The following GALNTL6 variants were observed in gnomAD, a reference collection of about 807,000 sequenced individuals.
GALNTL6 encodes the protein polypeptide N-acetylgalactosaminyltransferase like 6, also known as polypeptide N-acetylgalactosaminyltransferase-like 6.
A neutral mutation model predicts 73.7 loss-of-function variants in GALNTL6; 46 were observed. That is an observed-to-expected ratio of 0.62 (90% CI 0.49 to 0.80). The LOEUF (loss-of-function observed/expected upper bound fraction) is 0.80, where lower values mean the gene tolerates loss of function less well. Ranked by LOEUF, GALNTL6 falls within the 30% of genes least tolerant of loss-of-function variation. GALNTL6 has a pLI of 0.00. For missense variants in GALNTL6, 604 were observed against 755.0 expected (o/e 0.80, Z 2.34); for synonymous variants, 259 against 263.7 (o/e 0.98, Z 0.17).
intron 3 of GALNTL6, among the ~76,000 whole-genome samples, chr4:172,238,865 GT>G (rs1737326899): frequency 6.6e-6 from 1 of 152,060 alleles, no homozygotes; most frequent in Admixed American, 6.5e-5. Flanking sequence ...TGGTTATATA[GT>G]TTTTATTTAT....
At position 172,315,047 on chromosome 4, in the gene GALNTL6, G is replaced by T. The variant is rs114285113; in HGVS notation, c.386+3295G>T. ...AGCCATAGACGAAGGACAGTATATT[G>T]GCATGTGTGCAATAATTTGATCAGT... On this transcript the variant is annotated intron_variant, in intron 4 of 12. Coordinates refer to ENST00000506823, the MANE Select transcript of GALNTL6 (RefSeq NM_001034845.3). Among the ~76,000 whole-genome samples, 1,113 of 152,098 alleles carry T rather than the reference G, an allele frequency of 7.3e-3. 13 individuals carry two copies. Among genetic ancestry groups the T allele is most frequent in the African/African-American group, 0.025 (1,050 of 41,486 alleles).
rs571225323 is a variant in GALNTL6 at position 172,181,568 on chromosome 4, A to G, written c.139-48088A>G. On this transcript the variant is annotated intron_variant, in intron 2 of 12. Coordinates refer to ENST00000506823, the MANE Select transcript of GALNTL6 (RefSeq NM_001034845.3). ...AAGGATGCCCTCTCTCACCACACCT[A>G]TTCAACGTAGTATTGGAAGTTCTGG... is the stretch of plus-strand genomic sequence containing the variant. Among the ~76,000 whole-genome samples, 20 of 152,234 alleles carry G rather than the reference A, an allele frequency of 1.3e-4. No homozygotes were observed. In the South Asian group the frequency reaches 2.3e-3, roughly 17 times the overall value.
At chr4:172,130,431 C>G (rs937247806) in intron 2 of GALNTL6, among the ~76,000 whole-genome samples, 3 of 151,554 alleles carry the variant, frequency 2.0e-5, no homozygotes, top group Non-Finnish European at 2.9e-5. Flanking sequence ...CTGGTCTCAT[C>G]TATAAAATTG....
intron 2 of GALNTL6, among the ~76,000 whole-genome samples, chr4:171,963,743 A>G (rs1329898329): frequency 6.6e-6 from 1 of 152,182 alleles, no homozygotes; most frequent in Non-Finnish European, 1.5e-5. Flanking sequence ...ATATTAACAT[A>G]ACGACATTAC....
At chr4:172,370,289 A>G (rs1334995354) in intron 5 of GALNTL6, among the ~76,000 whole-genome samples, 2 of 152,086 alleles carry the variant, frequency 1.3e-5, no homozygotes, top group Non-Finnish European at 2.9e-5. Context: ...AACAAATTTG[A>G]CAAGAAGGTT....
chr4:172,161,201 CTT>C (rs980712626), intron 2 of GALNTL6, among the ~76,000 whole-genome samples: 6 of 151,838 alleles, frequency 4.0e-5, no homozygotes, highest in African/African-American at 1.2e-4. Flanking sequence ...GCAGTGGTCT[CTT>C]ATGTAACCAC....
At chr4:172,658,018 C>T (rs1331463112) in intron 5 of GALNTL6, among the ~76,000 whole-genome samples, 3 of 145,468 alleles carry the variant, frequency 2.1e-5, no homozygotes, top group East Asian at 4.0e-4. Flanking sequence ...GGCGTAGTGG[C>T]GGGCGCCTGT....
At chr4:171,988,867 C>T (rs1220826254) in intron 2 of GALNTL6, among the ~76,000 whole-genome samples, 1 of 151,900 alleles carries the variant, frequency 6.6e-6, no homozygotes, top group African/African-American at 2.4e-5. Flanking sequence ...GTGTCTTATA[C>T]TTGTGGCTTA....
rs566644542 is a variant in GALNTL6 at position 172,418,530 on chromosome 4, A to G, written c.553+69841A>G. Among the ~76,000 whole-genome samples, 23 of 152,308 alleles carry G rather than the reference A, an allele frequency of 1.5e-4. 1 individual carries two copies. The South Asian group carries it at 4.6e-3, about 30-fold the overall frequency. On this transcript the variant is annotated intron_variant, in intron 5 of 12. Coordinates refer to ENST00000506823, the MANE Select transcript of GALNTL6 (RefSeq NM_001034845.3). ...CTATAGTGGGGAACCAAGCCAAGTC[A>G]ACCCACAGCCTGAGGCTGAGGGAAT...
chr4:172,124,134 C>T (rs1375858816), intron 2 of GALNTL6, among the ~76,000 whole-genome samples: 2 of 152,138 alleles, frequency 1.3e-5, no homozygotes, highest in Non-Finnish European at 2.9e-5. Flanking sequence ...TAATATACAA[C>T]ATAATAACCA....
At chr4:172,830,131 A>G (rs1263185206) in intron 7 of GALNTL6, among the ~76,000 whole-genome samples, 3 of 152,248 alleles carry the variant, frequency 2.0e-5, no homozygotes, top group Non-Finnish European at 4.4e-5. Flanking sequence ...ATTAAGATGA[A>G]TGCACATAGT....
intron 2 of GALNTL6, among the ~76,000 whole-genome samples, chr4:172,094,995 C>A (rs1190400498): frequency 6.9e-6 from 1 of 145,426 alleles, no homozygotes; most frequent in African/African-American, 2.6e-5. Context: ...TTCTCCCACC[C>A]TTTTATGTTT....
At chr4:172,214,185 G>A (rs1348165563) in intron 2 of GALNTL6, among the ~76,000 whole-genome samples, 2 of 152,102 alleles carry the variant, frequency 1.3e-5, no homozygotes, top group African/African-American at 4.8e-5. Context: ...AATACCATGT[G>A]TCTTGATAAC....
intron 4 of GALNTL6, among the ~76,000 whole-genome samples, chr4:172,322,329 A>T (rs918229832): frequency 7.9e-5 from 12 of 152,082 alleles, no homozygotes; most frequent in African/African-American, 2.9e-4. Flanking sequence ...ACTCTACCTT[A>T]TGCCCCCTCA....
chr4:172,025,493 A>G (rs1000777765), intron 2 of GALNTL6, among the ~76,000 whole-genome samples: 1 of 152,058 alleles, frequency 6.6e-6, no homozygotes, highest in Non-Finnish European at 1.5e-5. Flanking sequence ...TCAAAGAGAA[A>G]TAATAAAAGA....
At chr4:172,388,024 C>T (rs183245191) in intron 5 of GALNTL6, among the ~76,000 whole-genome samples, 25 of 152,274 alleles carry the variant, frequency 1.6e-4, no homozygotes, top group African/African-American at 5.8e-4. Flanking sequence ...AGTATAGTTA[C>T]TCACTTGCAT....
chr4:171,889,966 T>C (rs1213297945), intron 2 of GALNTL6, among the ~76,000 whole-genome samples: 1 of 152,164 alleles, frequency 6.6e-6, no homozygotes, highest in Admixed American at 6.6e-5. Flanking sequence ...ACAGCTAGCA[T>C]ATAGTACCCA....
At chr4:172,734,609 A>C (rs6838875) in intron 5 of GALNTL6, among the ~76,000 whole-genome samples, 152,222 of 152,342 alleles carry the variant, frequency 1, 76,052 homozygotes, top group Non-Finnish European at 1. Flanking sequence ...CAGTCTTGAG[A>C]AGCTCTGCCC....
At chr4:172,848,792 G>C (rs146187090) in intron 7 of GALNTL6, among the ~76,000 whole-genome samples, 4 of 152,146 alleles carry the variant, frequency 2.6e-5, no homozygotes, top group African/African-American at 7.2e-5. Flanking sequence ...AGGGAGTAAG[G>C]GTTCTTCTCC....
Sources: allele counts gnomAD v4.1 joint callset (sites outside exome capture counted in the v4.1 genomes callset), GRCh38; gene constraint gnomAD v4.1.1; transcripts MANE v1.5; gene names NCBI Gene and HGNC (gene_info 2026-07-23, HGNC 2026-07-21).